TERB1: variants seen among roughly 807,000 people sequenced by gnomAD.
TERB1 encodes telomere repeat binding bouquet formation protein 1, also known as telomere repeats-binding bouquet formation protein 1.
In TERB1, 63 loss-of-function variants were observed where a neutral mutation model predicts 92.3. The ratio of observed to expected loss-of-function variants is 0.68; its 90% CI spans 0.56 to 0.84. The LOEUF is 0.84. TERB1 is among the 40% of genes least tolerant of loss of function. The pLI, the probability that TERB1 is intolerant of heterozygous loss-of-function variation, is 0.00. For missense variants in TERB1, 709 were observed against 843.7 expected, an observed-to-expected ratio of 0.84 and a Z score of 1.98; for synonymous variants, 252 against 283.9, an observed-to-expected ratio of 0.89 and a Z score of 1.13.
Position 66,775,159 on chromosome 16 carries a change from T to A in TERB1, c.1070A>T (p.Asn357Ile). ...ALTESQNEEL[N>I]KAATFVLHNC... Reference sequence around the variant, plus strand: ...GTGAAGCACAAATGTGGCAGCTTTGTTCAGTTCCTCATTCTGCGATTCAGT... The same window carrying A: ...GTGAAGCACAAATGTGGCAGCTTTGATCAGTTCCTCATTCTGCGATTCAGT... Residue 357 changes from asparagine (N) to isoleucine (I), a missense_variant, in exon 12 of 19, where the codon AAC becomes ATC. Physicochemically the swap from Asn to Ile is moderately radical, Grantham distance 149 (BLOSUM62 -3). Coordinates refer to ENST00000433154, the MANE Select transcript of TERB1 (RefSeq NM_001136505.2). The A allele has an allele frequency of 6.4e-7, 1 of 1,551,680 alleles. No homozygotes were observed. The highest frequency in any genetic ancestry group is 8.7e-7 in the Non-Finnish European group (1 of 1,146,976).
At chr16:66,777,099 A>G in intron 11 of TERB1, 104 bp downstream of exon 11, 2 of 1,101,638 alleles carry the variant, frequency 1.8e-6, no homozygotes, top group South Asian at 1.9e-5. Flanking sequence ...CTAGGAGAAA[A>G]GCAATACTTT....
In TERB1 at chr16:66,754,992, G is replaced by A. The variant is rs1373075554; in HGVS notation, c.2168C>T (p.Thr723Met). 24 of 1,550,752 alleles carry A rather than the reference G, an allele frequency of 1.5e-5. No individual in the cohort carries two copies. Among genetic ancestry groups the A allele is most frequent in the Admixed American group, 1.2e-4 (6 of 50,744 alleles). Residue 723 changes from threonine (T) to methionine (M), a missense_variant, in exon 19 of 19, where the codon ACG (threonine) becomes ATG (methionine). Coordinates refer to ENST00000433154, the MANE Select transcript of TERB1 (RefSeq NM_001136505.2). ...TTCTTTCAATCAAGAAGCTGCACAC[G>A]TGGGGTGTTTGGTCAGCTTGTGGTA... ...HKYHKLTKHP[T>M]CAAS
At chr16:66,781,050 A>G (rs1159458552) in intron 9 of TERB1, among the ~76,000 whole-genome samples, 1 of 152,104 alleles carries the variant, frequency 6.6e-6, no homozygotes, top group Non-Finnish European at 1.5e-5. Context: ...TTATTTCTTG[A>G]GCATTTTTTT....
chr16:66,774,851 T>C (rs902170826), intron 12 of TERB1, among the ~76,000 whole-genome samples: 2 of 151,878 alleles, frequency 1.3e-5, no homozygotes, highest in African/African-American at 2.4e-5. Flanking sequence ...CATGCCCAGA[T>C]AATTTTTTCT....
chr16:66,782,478 A>C lies in TERB1; in HGVS notation c.700+3308T>G, dbSNP rs572165092. On this transcript the variant is annotated intron_variant, in intron 9 of 18. Transcript: ENST00000433154. ...GACAGGAGAATCACTTGAGCCTGGG[A>C]GGTGGAGGTTGTAGTGAGTCGAGAC... Among the ~76,000 whole-genome samples the C allele has an allele frequency of 5.1e-4, 75 of 146,500 alleles. 1 individual carries two copies. Among genetic ancestry groups the C allele is most frequent in the Non-Finnish European group, 7.1e-4 (47 of 66,664 alleles).
At chr16:66,786,720 C>T (rs1367820358) in intron 6 of TERB1, among the ~76,000 whole-genome samples, 2 of 152,220 alleles carry the variant, frequency 1.3e-5, no homozygotes, top group African/African-American at 4.8e-5. Context: ...GCTCAGACTA[C>T]CATTGTGCCT....
intron 18 of TERB1, among the ~76,000 whole-genome samples, chr16:66,756,499 A>C (rs2018141472): frequency 6.6e-6 from 1 of 152,240 alleles, no homozygotes; most frequent in Admixed American, 6.5e-5. Flanking sequence ...ACTTGTTGAG[A>C]GAAAAAATTT....
chr16:66,773,845 T>C (rs1160404006), intron 12 of TERB1, among the ~76,000 whole-genome samples: 5 of 152,196 alleles, frequency 3.3e-5, no homozygotes, highest in African/African-American at 1.2e-4. Flanking sequence ...ATGTCCCTGA[T>C]GTCTAGCACT....
At chr16:66,766,905 C>T (rs1186783377) in intron 16 of TERB1, among the ~76,000 whole-genome samples, 1 of 152,112 alleles carries the variant, frequency 6.6e-6, no homozygotes, top group Non-Finnish European at 1.5e-5. Context: ...CCTTGGCCTT[C>T]CAAAGTGTTG....
intron 13 of TERB1, 66 bp from the exon 14 acceptor site, chr16:66,770,375 C>A: frequency 9.6e-7 from 1 of 1,040,174 alleles, no homozygotes; most frequent in South Asian, 1.8e-5. Context: ...ATTTATACTT[C>A]ATTTAAATAA....
intron 6 of TERB1, among the ~76,000 whole-genome samples, chr16:66,787,060 A>G (rs186571524): frequency 1.3e-5 from 2 of 152,166 alleles, no homozygotes; most frequent in Non-Finnish European, 2.9e-5. Flanking sequence ...GGCCTCCCCA[A>G]GTGCTGGGGT....
At chr16:66,771,038 A>G (rs1161512340) in intron 13 of TERB1, among the ~76,000 whole-genome samples, 1 of 151,876 alleles carries the variant, frequency 6.6e-6, no homozygotes, top group Non-Finnish European at 1.5e-5. Context: ...TTTTGTAGAC[A>G]CAGGGTTTTG....
chr16:66,758,752 A>G lies in TERB1; in HGVS notation c.1996+21T>C, dbSNP rs9934080. Reference sequence around the variant, plus strand: ...CCAGACCCTGTCTCAAGAAAAAAAAAATTAAATTAAATATATTCACTTATT... The same window carrying G: ...CCAGACCCTGTCTCAAGAAAAAAAAGATTAAATTAAATATATTCACTTATT... On this transcript the variant is annotated intron_variant, in intron 18 of 18. Transcript: ENST00000433154. 4,607 of 1,460,660 alleles carry G rather than the reference A, an allele frequency of 3.2e-3. 152 individuals are homozygous for G. The African/African-American group carries it at 0.058, about 18-fold the overall frequency. 90.5% of individuals were successfully genotyped at this position (1,460,660 alleles called of 1,614,324 possible).
At chr16:66,759,874 G>A (rs1321165520) in intron 16 of TERB1, among the ~76,000 whole-genome samples, 6 of 148,640 alleles carry the variant, frequency 4.0e-5, no homozygotes, top group African/African-American at 7.5e-5. Context: ...AGTGGCTCAC[G>A]CTGTAATTCC....
chr16:66,770,225 C>A lies in TERB1; in HGVS notation c.1357G>T (p.Asp453Tyr). The change falls in exon 14 of 19, where the codon GAT (aspartate) becomes TAT (tyrosine). Residue 453 changes from aspartate to tyrosine, a missense_variant. Coordinates refer to ENST00000433154, the MANE Select transcript of TERB1 (RefSeq NM_001136505.2). ...GCTTTGCTACCTCGACCAATCCGAT[C>A]TGCATGGAGATGTTTCCATGTATTC... is the stretch of plus-strand genomic sequence containing the variant. ...IQNTWKHLHA[D>Y]RIGRGSKAED... is the part of the protein sequence containing the mutation. 6.4e-7 allele frequency: 1 copy of A among 1,552,268 alleles called. No individual in the cohort carries two copies. The highest frequency in any genetic ancestry group is 2.4e-5 in the East Asian group (1 of 40,912).
chr16:66,789,737 T>C (rs2018796586), intron 5 of TERB1, among the ~76,000 whole-genome samples: 2 of 147,302 alleles, frequency 1.4e-5, no homozygotes, highest in Admixed American at 6.9e-5. Context: ...AGGGTCTTAC[T>C]CTGTGGTCTG....
rs896195544 is a variant in TERB1, at chr16:66,772,769, A to G, written c.1112-20T>C. 5 of 1,510,204 alleles carry G rather than the reference A, an allele frequency of 3.3e-6. No homozygotes were observed. The Admixed American group carries it at 9.3e-5, about 28-fold the overall frequency. The allele number at this position is 1,510,204 out of a possible 1,614,324, so 93.6% of individuals were successfully genotyped here. On this transcript the variant is annotated intron_variant, in intron 12 of 18. Coordinates refer to ENST00000433154, the MANE Select transcript of TERB1 (RefSeq NM_001136505.2). ...TCTCAGCTTTGTAGTATGGGAAAAA[A>G]CAATGAATGAAAAGTTATTTAAACA...
At position 66,754,861 on chromosome 16, in the gene TERB1, C is replaced by T; in HGVS notation, c.*115G>A. The T allele has an allele frequency of 1.0e-6, 1 of 965,496 alleles. No homozygotes were observed. The highest frequency in any genetic ancestry group is 1.7e-5 in the South Asian group (1 of 60,398). The allele number at this position is 965,496 out of a possible 1,614,324, so 59.8% of individuals were successfully genotyped here. ...CATCACAAAAACTGTTTAATGAAAA[C>T]TGTATCCTCATTTCCACATTCCTTC... On this transcript the variant is annotated 3_prime_UTR_variant, in exon 19 of 19. Transcript: ENST00000433154.
chr16:66,756,627 C>G (rs897896480), intron 18 of TERB1, among the ~76,000 whole-genome samples: 1 of 152,156 alleles, frequency 6.6e-6, no homozygotes, highest in Non-Finnish European at 1.5e-5. Flanking sequence ...GATTTGAACC[C>G]ATAATAATCA....
Sources: allele counts gnomAD v4.1 joint callset (sites outside exome capture counted in the v4.1 genomes callset), GRCh38; gene constraint gnomAD v4.1.1; transcripts MANE v1.5; gene names NCBI Gene and HGNC (gene_info 2026-07-23, HGNC 2026-07-21).